The following EPHA4 variants were observed in gnomAD, a reference collection of about 807,000 sequenced individuals.
EPHA4 encodes the protein ephrin type-A receptor 4.
A neutral mutation model predicts 108.3 loss-of-function variants in EPHA4; 19 were observed. The observed-to-expected ratio is 0.18, with a 90% CI of 0.12 to 0.26. The LOEUF is 0.26. Among genes scored for constraint, EPHA4 ranks in the 10% least tolerant of loss-of-function variants. The pLI is 1.00. For missense variants in EPHA4, 917 were observed against 1,254.0 expected, an observed-to-expected ratio of 0.73 and a Z score of 4.06; for synonymous variants, 449 against 455.5, an observed-to-expected ratio of 0.99 and a Z score of 0.18.
At chr2:221,441,182 TTTTTC>T (rs1366259539) in intron 11 of EPHA4, among the ~76,000 whole-genome samples, 14 of 149,186 alleles carry the variant, frequency 9.4e-5, no homozygotes, top group South Asian at 2.1e-4. Flanking sequence ...AATGTCTCAT[TTTTTC>T]TTTTCTTTTC....
intron 3 of EPHA4, among the ~76,000 whole-genome samples, chr2:221,502,099 C>T (rs879510437): frequency 1.3e-5 from 2 of 152,080 alleles, no homozygotes; most frequent in Non-Finnish European, 2.9e-5. Flanking sequence ...CACACTGACA[C>T]TGTCATCATA....
In EPHA4 at chr2:221,474,260, G is replaced by C. The variant is rs147165678; in HGVS notation, c.1318+8092C>G. On this transcript the variant is annotated intron_variant, in intron 5 of 17. Transcript: ENST00000281821. The stretch of plus-strand genomic sequence containing the variant: ...CCCCGAATACAAATTCACAGACACT[G>C]GTGCCACACACAAGAGGCTGCGCCA... Among the ~76,000 whole-genome samples, 682 of 152,030 alleles carry C rather than the reference G, an allele frequency of 4.5e-3. 6 individuals are homozygous for C. Among genetic ancestry groups the C allele is most frequent in the African/African-American group, 0.016 (653 of 41,464 alleles).
At chr2:221,566,872 A>AAGAAGAAGAAGTAGAAGGAGAAGG (rs1553595907) in intron 2 of EPHA4, among the ~76,000 whole-genome samples, 1 of 41,580 alleles carries the variant, frequency 2.4e-5, no homozygotes, top group Admixed American at 3.4e-4. Flanking sequence ...GAAGAAGAAG[A>AAGAAGAAGAAGTAGAAGGAGAAGG]AGAAGGAGAA....
At chr2:221,456,205 AAAT>A (rs139357714) in intron 7 of EPHA4, among the ~76,000 whole-genome samples, 1,685 of 151,990 alleles carry the variant, frequency 0.011, 80 homozygotes, top group East Asian at 0.11. Context: ...AACTTGATTT[AAAT>A]GATTCTTAAA....
At chr2:221,467,844 C>T (rs952107255) in intron 5 of EPHA4, among the ~76,000 whole-genome samples, 2 of 152,162 alleles carry the variant, frequency 1.3e-5, no homozygotes, top group Admixed American at 6.6e-5. Context: ...TAGCTCAACA[C>T]TTGCCAACAG....
chr2:221,514,092 G>C (rs983242489), intron 3 of EPHA4, among the ~76,000 whole-genome samples: 4 of 74,620 alleles, frequency 5.4e-5, no homozygotes, highest in African/African-American at 2.2e-4. Context: ...GTAAGCCGGG[G>C]GGAGGGGGTT....
chr2:221,482,732 A>G, intron 4 of EPHA4, 42 bp from the exon 5 acceptor site: 1 of 1,501,942 alleles, frequency 6.7e-7, no homozygotes, highest in East Asian at 2.3e-5. Context: ...GAACCGAAAT[A>G]CCCTTTTGGA....
intron 11 of EPHA4, among the ~76,000 whole-genome samples, chr2:221,437,754 A>T (rs1464793555): frequency 6.9e-6 from 1 of 144,940 alleles, no homozygotes; most frequent in Non-Finnish European, 1.5e-5. Context: ...TCTACTAAAA[A>T]TACAAAAAAA....
At chr2:221,451,525 G>A (rs1690785068) in intron 8 of EPHA4, among the ~76,000 whole-genome samples, 2 of 152,108 alleles carry the variant, frequency 1.3e-5, no homozygotes, top group African/African-American at 4.8e-5. Context: ...TTGATTTGCT[G>A]GAGAGAATGT....
intron 5 of EPHA4, among the ~76,000 whole-genome samples, chr2:221,458,921 C>A (rs767573180): frequency 6.6e-6 from 1 of 152,102 alleles, no homozygotes; most frequent in Non-Finnish European, 1.5e-5. Flanking sequence ...TAGGGAGCTT[C>A]CTAACTCCAA....
chr2:221,522,839 T>C (rs1013321267), intron 3 of EPHA4, among the ~76,000 whole-genome samples: 2 of 151,554 alleles, frequency 1.3e-5, no homozygotes, highest in Admixed American at 6.6e-5. Flanking sequence ...CTCGGCTCAC[T>C]GCAACCCAAC....
intron 3 of EPHA4, among the ~76,000 whole-genome samples, chr2:221,562,917 A>G (rs1694512472): frequency 6.6e-6 from 1 of 152,186 alleles, no homozygotes; most frequent in South Asian, 2.1e-4. Context: ...ACCTGAGGTG[A>G]GAAAAAAAAA....
chr2:221,470,571 G>C (rs1691450042), intron 5 of EPHA4, among the ~76,000 whole-genome samples: 1 of 148,748 alleles, frequency 6.7e-6, no homozygotes, highest in Admixed American at 6.7e-5. Flanking sequence ...TATCACTTTA[G>C]GGAACCTCTG....
At chr2:221,572,825 G>C (rs533177944), upstream of EPHA4, 3 of 152,716 alleles carry the variant, frequency 2.0e-5, no homozygotes, top group Non-Finnish European at 4.4e-5. Flanking sequence ...ACCTTGCCCT[G>C]TTTTGTCTTT....
chr2:221,570,170 A>T (rs1007185962), intron 1 of EPHA4, among the ~76,000 whole-genome samples: 1 of 152,068 alleles, frequency 6.6e-6, no homozygotes, highest in Non-Finnish European at 1.5e-5. Flanking sequence ...AGAGAAAAGG[A>T]AACGTGATGG....
At chr2:221,564,513 C>G (rs1174787524) in intron 2 of EPHA4, 119 bp from the exon 3 acceptor site, 2 of 963,500 alleles carry the variant, frequency 2.1e-6, no homozygotes, top group East Asian at 4.8e-5. Flanking sequence ...AAGCAAACTA[C>G]TGAGCACCAA....
At chr2:221,504,263 C>T (rs1269639924) in intron 3 of EPHA4, among the ~76,000 whole-genome samples, 1 of 152,108 alleles carries the variant, frequency 6.6e-6, no homozygotes, top group Admixed American at 6.6e-5. Context: ...GATTAGTTCA[C>T]ACGTATGATG....
chr2:221,485,480 A>G (rs1235496008), intron 4 of EPHA4, among the ~76,000 whole-genome samples: 1 of 152,208 alleles, frequency 6.6e-6, no homozygotes. Flanking sequence ...CTTTGCTATC[A>G]TAGAGAGTGA....
intron 7 of EPHA4, 122 bp downstream of exon 7, chr2:221,456,491 T>G: frequency 1.1e-6 from 1 of 926,286 alleles, no homozygotes; most frequent in Non-Finnish European, 1.6e-6. Context: ...GACATATTCA[T>G]TGCAGCAAAA....
Sources: allele counts gnomAD v4.1 joint callset (sites outside exome capture counted in the v4.1 genomes callset), GRCh38; gene constraint gnomAD v4.1.1; transcripts MANE v1.5; gene names NCBI Gene and HGNC (gene_info 2026-07-23, HGNC 2026-07-21).